Variants in HPGDS observed in about 807,000 individuals in gnomAD.
HPGDS encodes GST class-sigma.
Under a neutral mutation model 23.1 loss-of-function variants are expected in HPGDS, and 26 were observed. The observed-to-expected ratio is 1.13, with a 90% confidence interval of 0.83 to 1.56. The LOEUF is 1.56. Ranked by LOEUF, HPGDS falls within the 40% of genes most tolerant of loss-of-function variation. HPGDS has a pLI of 0.00. For missense variants in HPGDS, 268 were observed against 236.4 expected (o/e 1.13, Z -0.88); for synonymous variants, 95 against 77.9 (o/e 1.22, Z -1.16).
chr4:94,301,930 C>A (rs1283161638), intron 5 of HPGDS, among the ~76,000 whole-genome samples: 1 of 152,022 alleles, frequency 6.6e-6, no homozygotes, highest in Non-Finnish European at 1.5e-5. Context: ...TTTAGGATAG[C>A]TTTTTAAGTT....
chr4:94,301,687 GA>G (rs200358320), intron 5 of HPGDS, among the ~76,000 whole-genome samples: 47 of 151,178 alleles, frequency 3.1e-4, no homozygotes, highest in Non-Finnish European at 4.6e-4. Context: ...AATAATACCA[GA>G]AAAAAAATAC....
At chr4:94,340,028 T>C (rs1703378941) in intron 1 of HPGDS, among the ~76,000 whole-genome samples, 1 of 152,192 alleles carries the variant, frequency 6.6e-6, no homozygotes, top group African/African-American at 2.4e-5. Context: ...CTGGGCTCAC[T>C]GAAATCTCCG....
At position 94,302,251 on chromosome 4, in the gene HPGDS, G is replaced by A. The variant is rs199620662; in HGVS notation, c.337-7C>T. 2.8e-5 allele frequency: 44 copies of A among 1,588,436 alleles called. No homozygotes were observed. In the Admixed American group the frequency reaches 6.3e-4, roughly 23 times the overall value. On this transcript the variant is annotated splice_region_variant and splice_polypyrimidine_tract_variant and intron_variant, in intron 4 of 5. Coordinates refer to ENST00000295256, the MANE Select transcript of HPGDS (RefSeq NM_014485.3). ...GCTCATTGAACATCTGCTCCTAGGA[G>A]AAGGAGAAAATATCACTTTAAGAAT...
chr4:94,306,390 AAGAT>A (rs751574957), intron 4 of HPGDS, among the ~76,000 whole-genome samples: 6 of 152,124 alleles, frequency 3.9e-5, no homozygotes, highest in Non-Finnish European at 7.4e-5. Flanking sequence ...TATTTTTAAA[AAGAT>A]AGAACCCACA....
intron 3 of HPGDS, among the ~76,000 whole-genome samples, chr4:94,316,543 C>T (rs1454593031): frequency 1.3e-5 from 2 of 150,868 alleles, no homozygotes; most frequent in African/African-American, 4.9e-5. Context: ...TAAAAACCTA[C>T]AATTGCATAA....
Position 94,334,510 on chromosome 4 carries a change from A to G in HPGDS, c.120T>C (p.Pro40=), listed in dbSNP as rs775166040. 1.9e-6 allele frequency: 3 copies of G among 1,594,004 alleles called. No homozygotes were observed. Among genetic ancestry groups the G allele is most frequent in the Non-Finnish European group, 2.6e-6 (3 of 1,172,358 alleles). Residue 40 remains proline (P), a synonymous_variant, in exon 2 of 6, where the codon CCT becomes CCC. Transcript: ENST00000295256. ...TTTGCTACTTACTTGATTTGATTTC[A>G]GGCCAGTCAGCTTGTTCTATTCTGT... ...EDHRIEQADW[P]EIKSTLPFGK... is the part of the protein sequence containing the mutation.
chr4:94,334,397 C>T (rs1367057350), intron 2 of HPGDS, 100 bp downstream of exon 2: 14 of 1,086,042 alleles, frequency 1.3e-5, no homozygotes, highest in Non-Finnish European at 1.7e-5. Context: ...TTTAAAGCTA[C>T]ATGAGCTTCG....
intron 3 of HPGDS, among the ~76,000 whole-genome samples, chr4:94,315,219 C>T (rs1756371762): frequency 6.6e-6 from 1 of 152,176 alleles, no homozygotes; most frequent in African/African-American, 2.4e-5. Flanking sequence ...AATCATTCAT[C>T]TTCTGCATCG....
intron 4 of HPGDS, among the ~76,000 whole-genome samples, chr4:94,304,876 C>T (rs1031734122): frequency 1.3e-5 from 2 of 151,998 alleles, no homozygotes; most frequent in African/African-American, 4.8e-5. Flanking sequence ...TATGGAGCCT[C>T]AGCCACAGAA....
intron 4 of HPGDS, among the ~76,000 whole-genome samples, chr4:94,302,715 CATG>C (rs1756067105): frequency 6.6e-6 from 1 of 152,110 alleles, no homozygotes; most frequent in Non-Finnish European, 1.5e-5. Context: ...TATAATGAAT[CATG>C]ATCTTGGGCC....
chr4:94,322,509 C>T (rs924009028), intron 2 of HPGDS, among the ~76,000 whole-genome samples: 1 of 152,032 alleles, frequency 6.6e-6, no homozygotes, highest in African/African-American at 2.4e-5. Flanking sequence ...ATGTGTCCAG[C>T]AATTTATCCA....
At chr4:94,300,988 A>T (rs1263808541) in intron 5 of HPGDS, among the ~76,000 whole-genome samples, 1 of 152,056 alleles carries the variant, frequency 6.6e-6, no homozygotes, top group African/African-American at 2.4e-5. Context: ...AACATCATTT[A>T]CAAAGGAATC....
Position 94,308,737 on chromosome 4 carries a change from G to C in HPGDS, c.233C>G (p.Ala78Gly). Residue 78 changes from alanine to glycine, a missense_variant, in exon 4 of 6, where the codon GCT becomes GGT. By Grantham distance (60) the Ala-to-Gly change is moderately conservative. Coordinates refer to ENST00000295256, the MANE Select transcript of HPGDS (RefSeq NM_014485.3). ...ARYLTKNTDL[A>G]GNTEMEQCHV... ...ACATTGTTCCATTTCTGTGTTTCCA[G>C]CCAAATCTGTGGAATAGAGAGAGGC... 6.3e-7 allele frequency: 1 copy of C among 1,576,148 alleles called. No homozygotes were observed. The highest frequency in any genetic ancestry group is 8.7e-7 in the Non-Finnish European group (1 of 1,148,328).
intron 1 of HPGDS, among the ~76,000 whole-genome samples, chr4:94,335,405 A>G (rs138379695): frequency 1.3e-5 from 2 of 152,360 alleles, no homozygotes; most frequent in East Asian, 3.9e-4. Context: ...AGTGATTTGT[A>G]TCTTTTCATT....
intron 3 of HPGDS, among the ~76,000 whole-genome samples, chr4:94,317,302 G>A (rs746870803): frequency 2.0e-5 from 3 of 152,164 alleles, no homozygotes; most frequent in Non-Finnish European, 4.4e-5. Flanking sequence ...GAGAAAGTGT[G>A]TCAGGTAAAA....
At chr4:94,309,259 A>T (rs1360136609) in intron 3 of HPGDS, among the ~76,000 whole-genome samples, 12 of 148,398 alleles carry the variant, frequency 8.1e-5, no homozygotes, top group African/African-American at 1.2e-4. Flanking sequence ...TCCTAATGCT[A>T]TCCCTCCCGC....
intron 4 of HPGDS, among the ~76,000 whole-genome samples, chr4:94,306,910 A>G (rs1410819728): frequency 1.3e-5 from 2 of 152,162 alleles, no homozygotes; most frequent in South Asian, 4.1e-4. Context: ...CTTGAACTAA[A>G]GGACATGGGT....
At chr4:94,314,436 G>A (rs753319350) in intron 3 of HPGDS, among the ~76,000 whole-genome samples, 8 of 152,188 alleles carry the variant, frequency 5.3e-5, no homozygotes, top group African/African-American at 1.7e-4. Flanking sequence ...TATCAGCAGC[G>A]GAGGCTGCAG....
In HPGDS at chr4:94,299,443, C is replaced by G; in HGVS notation, c.*37G>C. 2 of 1,563,838 alleles carry G rather than the reference C, an allele frequency of 1.3e-6. No homozygotes were observed. Among genetic ancestry groups the G allele is most frequent in the East Asian group, 2.3e-5 (1 of 44,174 alleles). On this transcript the variant is annotated 3_prime_UTR_variant, in exon 6 of 6. Coordinates refer to ENST00000295256, the MANE Select transcript of HPGDS (RefSeq NM_014485.3). Reference sequence around the variant, plus strand: ...CTGTCTTATCTGATGAGAGAGATGCCCCCGAGAAAAACAAACTTGAAGGCA... The same window carrying G: ...CTGTCTTATCTGATGAGAGAGATGCGCCCGAGAAAAACAAACTTGAAGGCA...
Sources: allele counts gnomAD v4.1 joint callset (sites outside exome capture counted in the v4.1 genomes callset), GRCh38; gene constraint gnomAD v4.1.1; transcripts MANE v1.5; gene names NCBI Gene and HGNC (gene_info 2026-07-23, HGNC 2026-07-21).